Variants in DGAT2L6 observed in about 807,000 individuals in gnomAD.
DGAT2L6 encodes diacylglycerol O-acyltransferase 2-like protein 6.
Under a neutral mutation model 25.5 loss-of-function variants are expected in DGAT2L6, and 22 were observed. The ratio of observed to expected loss-of-function variants is 0.86; its 90% CI spans 0.62 to 1.23. DGAT2L6 has a LOEUF of 1.23. Among genes scored for constraint, DGAT2L6 ranks in the 50% most tolerant of loss-of-function variants. DGAT2L6 has a pLI of 0.00. For missense variants in DGAT2L6, 287 were observed against 253.2 expected, an observed-to-expected ratio of 1.13 and a Z score of -0.91; for synonymous variants, 100 against 94.7, an observed-to-expected ratio of 1.06 and a Z score of -0.32.
intron 1 of DGAT2L6, among the ~76,000 whole-genome samples, chrX:70,198,596 G>C (rs936928058): frequency 9.0e-6 from 1 of 111,231 alleles, no homozygotes; most frequent in African/African-American, 3.3e-5. Context: ...AGGCTGGAGT[G>C]CAATGGCACG....
At chrX:70,196,593 A>G (rs2147608186) in intron 1 of DGAT2L6, among the ~76,000 whole-genome samples, 1 of 108,171 alleles carries the variant, frequency 9.2e-6, no homozygotes, top group South Asian at 4.2e-4. Flanking sequence ...TTAGACAAAG[A>G]GTTCTTTCAG....
At chrX:70,203,892 A>T (rs1197397103) in intron 5 of DGAT2L6, among the ~76,000 whole-genome samples, 1 of 110,370 alleles carries the variant, frequency 9.1e-6, no homozygotes, top group Non-Finnish European at 1.9e-5. Flanking sequence ...TAATATGGCT[A>T]AGCAGATTGC....
chrX:70,197,343 TG>T (rs1232289412), intron 1 of DGAT2L6, among the ~76,000 whole-genome samples: 4 of 111,800 alleles, frequency 3.6e-5, no homozygotes, highest in Non-Finnish European at 5.6e-5. Context: ...ACACTCGGGC[TG>T]GGTCTGGAAG....
intron 1 of DGAT2L6, among the ~76,000 whole-genome samples, chrX:70,188,558 A>C (rs1240857070): frequency 9.0e-6 from 1 of 111,400 alleles, no homozygotes; most frequent in African/African-American, 3.3e-5. Flanking sequence ...TACAGAAAAA[A>C]TATCACGAAT....
At chrX:70,188,695 A>G (rs1281667192) in intron 1 of DGAT2L6, among the ~76,000 whole-genome samples, 2 of 111,169 alleles carry the variant, frequency 1.8e-5, no homozygotes, top group Non-Finnish European at 3.8e-5. Flanking sequence ...ACAGACTAAG[A>G]TCCCTCATAT....
chrX:70,201,246 G>A (rs189635449), intron 4 of DGAT2L6, among the ~76,000 whole-genome samples: 13 of 112,638 alleles, frequency 1.2e-4, no homozygotes, highest in African/African-American at 4.2e-4. Context: ...AATGGCTAGA[G>A]TCTGGAGGCA....
At chrX:70,178,280 C>G (rs1184774449) in intron 1 of DGAT2L6, among the ~76,000 whole-genome samples, 1 of 110,862 alleles carries the variant, frequency 9.0e-6, no homozygotes, top group African/African-American at 3.3e-5. Context: ...GGGTGATTTT[C>G]TAGTCTATGG....
At chrX:70,182,013 G>A (rs975166444) in intron 1 of DGAT2L6, among the ~76,000 whole-genome samples, 11 of 111,156 alleles carry the variant, frequency 9.9e-5, no homozygotes, top group African/African-American at 2.6e-4. Flanking sequence ...CTTCTTTCTC[G>A]CCTATCTTTC....
chrX:70,199,396 C>T lies in DGAT2L6; in HGVS notation c.196+15C>T. ...CCACAGTCAAGGTAAGAGACAGGGG[C>T]ACAATGGTGGTCCTGTTTGGGCCAA... On this transcript the variant is annotated intron_variant, in intron 2 of 6. Coordinates refer to ENST00000333026, the MANE Select transcript of DGAT2L6 (RefSeq NM_198512.3). 8.9e-7 allele frequency: 1 copy of T among 1,119,262 alleles called. No individual in the cohort carries two copies. Among genetic ancestry groups the T allele is most frequent in the Non-Finnish European group, 1.2e-6 (1 of 830,137 alleles). The allele number at this position is 1,119,262 out of a possible 1,213,427, so 92.2% of individuals were successfully genotyped here.
chrX:70,182,268 T>C (rs1294980321), intron 1 of DGAT2L6, among the ~76,000 whole-genome samples: 1 of 109,880 alleles, frequency 9.1e-6, no homozygotes, highest in Non-Finnish European at 1.9e-5. Flanking sequence ...AATATTCATG[T>C]CCTTAAAATT....
chrX:70,204,920 C>T (rs2085423515), intron 6 of DGAT2L6, 32 bp from the exon 7 acceptor site: 1 of 1,153,648 alleles, frequency 8.7e-7, no homozygotes, highest in Non-Finnish European at 1.2e-6. Context: ...GAGGGGGGAA[C>T]TCTGATGTTT....
At chrX:70,200,183 C>A in intron 3 of DGAT2L6, 72 bp from the exon 4 acceptor site, 1 of 1,040,850 alleles carries the variant, frequency 9.6e-7, no homozygotes, top group Non-Finnish European at 1.3e-6. Context: ...AGGCTACCTG[C>A]TGGGATTTTA....
chrX:70,195,408 C>T lies in DGAT2L6; in HGVS notation c.86-3863C>T, dbSNP rs946277368. On this transcript the variant is annotated intron_variant, in intron 1 of 6. Transcript: ENST00000333026. ...TTCACTGCAGTATTATTAGTAATAGCCAAGACGTGGGATCGACCTAAGTGT... is the reference window on the plus strand; with the variant it reads ...TTCACTGCAGTATTATTAGTAATAGTCAAGACGTGGGATCGACCTAAGTGT... Among the ~76,000 whole-genome samples, 28 of 109,500 alleles carry T rather than the reference C, an allele frequency of 2.6e-4. No homozygotes were observed. In the Admixed American group the frequency reaches 2.8e-3, roughly 11 times the overall value.
intron 3 of DGAT2L6, 144 bp from the exon 4 acceptor site, chrX:70,200,111 C>T: frequency 1.5e-6 from 1 of 664,728 alleles, no homozygotes; most frequent in East Asian, 3.5e-5. Flanking sequence ...TGAGCCCTGG[C>T]AATCCTATGA....
In DGAT2L6 at chrX:70,200,445, A is replaced by G. The variant is rs763794788; in HGVS notation, c.458A>G (p.Tyr153Cys). 3 of 1,208,867 alleles carry G rather than the reference A, an allele frequency of 2.5e-6. No individual in the cohort carries two copies. In the African/African-American group the frequency reaches 5.2e-5, roughly 21 times the overall value. Residue 153 changes from tyrosine to cysteine, a missense_variant, in exon 4 of 7, where the codon TAT becomes TGT. Coordinates refer to ENST00000333026, the MANE Select transcript of DGAT2L6 (RefSeq NM_198512.3). Reference sequence around the variant, plus strand: ...TTTTGGATCCCAATTGTGCGAGAATATGTGATGTCAATGGGTGAGTATAAG... The same window carrying G: ...TTTTGGATCCCAATTGTGCGAGAATGTGTGATGTCAATGGGTGAGTATAAG... ...RIFWIPIVRE[Y>C]VMSMGVCPVS... is the part of the protein sequence containing the mutation.
At chrX:70,199,130 T>C (rs750501212) in intron 1 of DGAT2L6, 141 bp from the exon 2 acceptor site, 129 of 406,925 alleles carry the variant, frequency 3.2e-4, no homozygotes, top group Middle Eastern at 6.5e-4. Context: ...GGGCGAGGGG[T>C]TGGGGAAGAG....
At chrX:70,184,760 C>T (rs1314723073) in intron 1 of DGAT2L6, among the ~76,000 whole-genome samples, 6 of 111,121 alleles carry the variant, frequency 5.4e-5, no homozygotes, top group Non-Finnish European at 9.4e-5. Flanking sequence ...GCCACCATGC[C>T]TGGCCTAGAC....
intron 1 of DGAT2L6, among the ~76,000 whole-genome samples, chrX:70,189,043 C>T (rs1045413330): frequency 9.2e-6 from 1 of 108,827 alleles, no homozygotes; most frequent in African/African-American, 3.3e-5. Context: ...AATGCTTTCT[C>T]CCTAAGATTA....
intron 5 of DGAT2L6, among the ~76,000 whole-genome samples, chrX:70,203,572 G>C (rs2085418154): frequency 9.0e-6 from 1 of 111,678 alleles, no homozygotes; most frequent in African/African-American, 3.3e-5. Flanking sequence ...GGGATTCAAA[G>C]ATGAATATGA....
Sources: gnomAD v4.1 joint callset for allele counts (sites outside exome capture counted in the v4.1 genomes callset) on GRCh38, gnomAD v4.1.1 for gene constraint, MANE v1.5 for transcripts, NCBI Gene and HGNC (gene_info 2026-07-23, HGNC 2026-07-21) for gene names.